PCBD2: variants seen among roughly 807,000 people sequenced by gnomAD.
PCBD2 encodes the protein pterin-4-alpha-carbinolamine dehydratase 2.
PCBD2 carries 12 observed loss-of-function variants against 16.4 expected under a neutral mutation model. The observed-to-expected ratio is 0.73, with a 90% CI of 0.47 to 1.19. The LOEUF (loss-of-function observed/expected upper bound fraction) is 1.19. PCBD2 is among the 50% of genes most tolerant of loss of function. The pLI is 0.00. For synonymous variants in PCBD2, 58 were observed against 61.8 expected (o/e 0.94, Z 0.29); for missense variants, 138 against 156.8 (o/e 0.88, Z 0.64).
chr5:134,942,007 G>T (rs1448173230), intron 2 of PCBD2, among the ~76,000 whole-genome samples: 2 of 149,656 alleles, frequency 1.3e-5, no homozygotes, highest in Admixed American at 1.3e-4. Context: ...GCGGGTGCCT[G>T]TAGTCCCAGC....
At chr5:134,924,195 C>G in intron 2 of PCBD2, 1 of 395,738 alleles carries the variant, frequency 2.5e-6, no homozygotes, top group East Asian at 3.6e-5. Flanking sequence ...TAAGCCTTCT[C>G]CTATTTATGG....
chr5:134,933,407 T>C (rs1179093494), intron 2 of PCBD2, among the ~76,000 whole-genome samples: 1 of 152,094 alleles, frequency 6.6e-6, no homozygotes, highest in Non-Finnish European at 1.5e-5. Flanking sequence ...GGCTAATTTT[T>C]GTATTTTTTG....
chr5:134,942,506 A>G (rs1751241695), intron 2 of PCBD2, among the ~76,000 whole-genome samples: 1 of 152,182 alleles, frequency 6.6e-6, no homozygotes, highest in Non-Finnish European at 1.5e-5. Context: ...ATCAGTGGTC[A>G]GAGTAATGAC....
At chr5:134,921,225 G>T (rs1750899880) in intron 2 of PCBD2, among the ~76,000 whole-genome samples, 1 of 152,254 alleles carries the variant, frequency 6.6e-6, no homozygotes. Flanking sequence ...CTGCCCAGAA[G>T]ATCTCCTAGT....
chr5:134,905,152 C>G lies in PCBD2; in HGVS notation c.13C>G (p.Leu5Val). 1 of 1,221,004 alleles carries G rather than the reference C, an allele frequency of 8.2e-7. No homozygotes were observed. 75.6% of individuals were successfully genotyped at this position (1,221,004 alleles called of 1,614,324 possible). A position where few individuals can be genotyped will look rare whatever the true frequency, so the allele number is the denominator to read the frequency against. ...CGGCAGACGGCCAATGGCGGCGGTG[C>G]TCGGGGCGCTCGGGGCGACGCGGCG... MAAV[L>V]GALGATRRLL... is the part of the protein sequence containing the mutation. Residue 5 changes from leucine (L) to valine (V), a missense_variant, in exon 1 of 4, where the codon CTC becomes GTC. Transcript: ENST00000254908.
intron 2 of PCBD2, chr5:134,926,476 T>C (rs1750998557): frequency 5.1e-6 from 2 of 394,686 alleles, no homozygotes; most frequent in East Asian, 7.2e-5. Context: ...TATTTGGAGT[T>C]GCACCAAAAT....
intron 2 of PCBD2, among the ~76,000 whole-genome samples, chr5:134,913,728 G>A (rs546756130): frequency 1.1e-4 from 17 of 152,290 alleles, no homozygotes; most frequent in African/African-American, 3.6e-4. Context: ...TGTCTAGACC[G>A]GGGATGATGG....
chr5:134,906,597 C>T (rs1168467718), intron 1 of PCBD2, among the ~76,000 whole-genome samples: 2 of 152,188 alleles, frequency 1.3e-5, no homozygotes, highest in Non-Finnish European at 2.9e-5. Context: ...CAGGCGTACT[C>T]TGCCCCAGGT....
At position 134,962,586 on chromosome 5, in the gene PCBD2, G is replaced by A. The variant is rs1480344768; in HGVS notation, c.*1905G>A. 6.6e-6 allele frequency among the ~76,000 whole-genome samples: 1 copy of A among 152,108 alleles called. No individual in the cohort carries two copies. Among genetic ancestry groups the A allele is most frequent in the Non-Finnish European group, 1.5e-5 (1 of 68,000 alleles). On this transcript the variant is annotated 3_prime_UTR_variant, in exon 4 of 4. Transcript: ENST00000254908. ...TTCTTATGAAGCTAAAGTTGATTTG[G>A]ATTTTAGCTGCCGTTACTACTTATA...
In PCBD2 at chr5:134,962,072, T is replaced by TTGTGTGTG. The variant is rs58911694; in HGVS notation, c.*1419_*1426dup. Among the ~76,000 whole-genome samples, 177 of 140,590 alleles carry TTGTGTGTG rather than the reference T, an allele frequency of 1.3e-3. 1 individual carries two copies. The highest frequency in any genetic ancestry group is 2.4e-3 in the Admixed American group (34 of 14,026). 92.2% of individuals were successfully genotyped at this position (140,590 alleles called of 152,430 possible). On this transcript the variant is annotated 3_prime_UTR_variant, in exon 4 of 4. Coordinates refer to ENST00000254908, the MANE Select transcript of PCBD2 (RefSeq NM_032151.5). Reference sequence around the variant, plus strand: ...CATTGCCCCCAGCCAGTATAACAGTTTGTGTGTGTGTGTGTGTGTGTGTGT... The same window carrying TTGTGTGTG: ...CATTGCCCCCAGCCAGTATAACAGTTTGTGTGTGTGTGTGTGTGTGTGTGTGTGTGTGT...
chr5:134,952,713 G>A (rs1486843645), intron 2 of PCBD2, among the ~76,000 whole-genome samples: 2 of 152,020 alleles, frequency 1.3e-5, no homozygotes, highest in Admixed American at 6.6e-5. Flanking sequence ...GCTGAGATAG[G>A]ATGGATCCCG....
chr5:134,948,444 T>G (rs1751323775), intron 2 of PCBD2, among the ~76,000 whole-genome samples: 2 of 152,084 alleles, frequency 1.3e-5, no homozygotes, highest in African/African-American at 4.8e-5. Context: ...TGTGTAGAGT[T>G]TTTTTTTGTG....
At chr5:134,906,397 G>C (rs555790271) in intron 1 of PCBD2, among the ~76,000 whole-genome samples, 1 of 151,262 alleles carries the variant, frequency 6.6e-6, no homozygotes, top group East Asian at 2.0e-4. Flanking sequence ...GTAGAGGCGG[G>C]GTTTCACCGT....
chr5:134,910,023 T>C (rs963477614), intron 1 of PCBD2, among the ~76,000 whole-genome samples: 2 of 152,170 alleles, frequency 1.3e-5, no homozygotes, highest in Non-Finnish European at 2.9e-5. Flanking sequence ...TGAGCTGTGA[T>C]TGCACCACTA....
intron 2 of PCBD2, among the ~76,000 whole-genome samples, chr5:134,932,442 A>G (rs2149535671): frequency 6.6e-6 from 1 of 152,146 alleles, no homozygotes; most frequent in Middle Eastern, 3.4e-3. Context: ...CCTGGGTTCA[A>G]GCAATTCTCC....
In PCBD2 at chr5:134,954,849, C is replaced by A. The variant is rs528488608; in HGVS notation, c.217-4191C>A. On this transcript the variant is annotated intron_variant, in intron 2 of 3. Transcript: ENST00000254908. ...CTCTGCCTCCTGGGTTCCAGTGATTCTCCTGCCTCAGCCTCCTGAGTAGCT... is the reference window on the plus strand; with the variant it reads ...CTCTGCCTCCTGGGTTCCAGTGATTATCCTGCCTCAGCCTCCTGAGTAGCT... Among the ~76,000 whole-genome samples, 557 of 151,940 alleles carry A rather than the reference C, an allele frequency of 3.7e-3. 7 individuals carry two copies. Among genetic ancestry groups the A allele is most frequent in the African/African-American group, 0.012 (516 of 41,444 alleles).
At chr5:134,941,848 G>A (rs1445877579) in intron 2 of PCBD2, among the ~76,000 whole-genome samples, 1 of 152,008 alleles carries the variant, frequency 6.6e-6, no homozygotes, top group African/African-American at 2.4e-5. Flanking sequence ...GCTGGGTGTG[G>A]TGGCTCACGC....
intron 2 of PCBD2, among the ~76,000 whole-genome samples, chr5:134,935,097 C>T (rs560612558): frequency 1.3e-5 from 2 of 152,314 alleles, no homozygotes; most frequent in East Asian, 3.9e-4. Flanking sequence ...CCATTTGTGA[C>T]AAATTTAGTC....
At chr5:134,951,435 T>C (rs1039620206) in intron 2 of PCBD2, among the ~76,000 whole-genome samples, 1 of 152,294 alleles carries the variant, frequency 6.6e-6, no homozygotes, top group African/African-American at 2.4e-5. Context: ...TTGATGGAGA[T>C]TTTGCTGTTT....
Sources: allele counts gnomAD v4.1 joint callset (sites outside exome capture counted in the v4.1 genomes callset), GRCh38; gene constraint gnomAD v4.1.1; transcripts MANE v1.5; gene names NCBI Gene and HGNC (gene_info 2026-07-23, HGNC 2026-07-21).